Variants in RBM33 observed in about 807,000 individuals in gnomAD.
RBM33 encodes RNA-binding protein 33.
RBM33 carries 28 observed loss-of-function variants against 132.6 expected under a neutral mutation model. The ratio of observed to expected loss-of-function variants is 0.21; its 90% CI spans 0.16 to 0.29. The LOEUF (loss-of-function observed/expected upper bound fraction) is 0.29, where lower values mean the gene tolerates loss of function less well. Among genes scored for constraint, RBM33 ranks in the 10% least tolerant of loss-of-function variants. The pLI is 1.00. For missense variants in RBM33, 1,291 were observed against 1,518.5 expected (o/e 0.85, Z 2.49); for synonymous variants, 634 against 593.0 (o/e 1.07, Z -1.01).
chr7:155,734,145 C>A (rs578053240), intron 9 of RBM33, among the ~76,000 whole-genome samples: 1 of 152,350 alleles, frequency 6.6e-6, no homozygotes, highest in East Asian at 1.9e-4. Flanking sequence ...ATCGACAGAC[C>A]CACTCTTTGT....
chr7:155,666,018 A>T (rs1482250069), intron 2 of RBM33, among the ~76,000 whole-genome samples: 1 of 152,228 alleles, frequency 6.6e-6, no homozygotes, highest in African/African-American at 2.4e-5. Context: ...TAACTTGAGA[A>T]CTATGAGGCC....
intron 1 of RBM33, among the ~76,000 whole-genome samples, chr7:155,649,114 G>C (rs909955371): frequency 2.6e-5 from 4 of 151,890 alleles, no homozygotes; most frequent in African/African-American, 9.7e-5. Context: ...CTCCTTCTGG[G>C]ACTCCCATAA....
At chr7:155,681,544 C>CTT (rs1374192870) in intron 5 of RBM33, among the ~76,000 whole-genome samples, 2 of 151,770 alleles carry the variant, frequency 1.3e-5, no homozygotes, top group African/African-American at 4.8e-5. Context: ...AGATTCTCAC[C>CTT]TTTAAATGAC....
chr7:155,662,450 T>G (rs1798678449), intron 1 of RBM33, among the ~76,000 whole-genome samples: 1 of 152,138 alleles, frequency 6.6e-6, no homozygotes. Flanking sequence ...GGAGCACTCT[T>G]TGGCTTGAAG....
intron 3 of RBM33, among the ~76,000 whole-genome samples, chr7:155,673,801 C>CACACACACACACACA (rs1799077085): frequency 1.4e-5 from 2 of 142,322 alleles, no homozygotes; most frequent in South Asian, 2.2e-4. Context: ...CACACACACA[C>CACACACACACACACA]CCCTACCAGT....
chr7:155,661,111 TG>T (rs1798631808), intron 1 of RBM33, among the ~76,000 whole-genome samples: 1 of 68,516 alleles, frequency 1.5e-5, no homozygotes, highest in African/African-American at 4.5e-5. Flanking sequence ...TGTGTGTGTG[TG>T]TGTGTGTGTG....
intron 8 of RBM33, among the ~76,000 whole-genome samples, chr7:155,711,699 TGCAATGA>T (rs929371476): frequency 6.6e-6 from 1 of 152,156 alleles, no homozygotes; most frequent in Non-Finnish European, 1.5e-5. Flanking sequence ...TTGCCAACTG[TGCAATGA>T]TGTGAGTGTT....
intron 5 of RBM33, among the ~76,000 whole-genome samples, chr7:155,700,220 T>C (rs1335079616): frequency 6.6e-6 from 1 of 152,232 alleles, no homozygotes; most frequent in Non-Finnish European, 1.5e-5. Context: ...AAATTAACTC[T>C]AGACAGTGAG....
At chr7:155,658,751 C>T (rs2116879619) in intron 1 of RBM33, among the ~76,000 whole-genome samples, 1 of 152,274 alleles carries the variant, frequency 6.6e-6, no homozygotes, top group South Asian at 2.1e-4. Context: ...AGAAGGTAGT[C>T]AAGTGGGAAA....
intron 15 of RBM33, among the ~76,000 whole-genome samples, chr7:155,765,013 G>A (rs1309188862): frequency 1.3e-5 from 2 of 152,172 alleles, no homozygotes; most frequent in African/African-American, 2.4e-5. Flanking sequence ...AGATCGCTGT[G>A]GTCTGAATTT....
chr7:155,689,702 C>G (rs1213495037), intron 5 of RBM33, among the ~76,000 whole-genome samples: 1 of 152,216 alleles, frequency 6.6e-6, no homozygotes, highest in African/African-American at 2.4e-5. Context: ...CAAAGAACAT[C>G]TTTATTTCTG....
rs1267331610 is a variant in RBM33, at chr7:155,644,959, C to T, written c.43+40C>T. The T allele has an allele frequency of 2.3e-5, 33 of 1,450,260 alleles. No homozygotes were observed. The East Asian group carries it at 8.9e-4, about 39-fold the overall frequency. The allele number at this position is 1,450,260 out of a possible 1,614,324, so 89.8% of individuals were successfully genotyped here. On this transcript the variant is annotated intron_variant, in intron 1 of 17. Coordinates refer to ENST00000401878, the MANE Select transcript of RBM33 (RefSeq NM_053043.3). The stretch of plus-strand genomic sequence containing the variant: ...CGGACTCTGGGGGCCAGGACCGCGC[C>T]GCGGTGGGCGGGGGTGTAGGCCGGG...
intron 1 of RBM33, among the ~76,000 whole-genome samples, chr7:155,656,744 A>G (rs1463452853): frequency 1.3e-5 from 2 of 152,224 alleles, no homozygotes; most frequent in Non-Finnish European, 2.9e-5. Flanking sequence ...AATATGTTGC[A>G]TTAACATGTA....
At chr7:155,650,996 G>A (rs1351805224) in intron 1 of RBM33, among the ~76,000 whole-genome samples, 1 of 152,130 alleles carries the variant, frequency 6.6e-6, no homozygotes, top group Non-Finnish European at 1.5e-5. Context: ...TTCAGCCTCA[G>A]CCTCTCAAGT....
intron 1 of RBM33, among the ~76,000 whole-genome samples, chr7:155,651,627 A>G (rs1798359111): frequency 6.6e-6 from 1 of 151,860 alleles, no homozygotes; most frequent in Admixed American, 6.6e-5. Context: ...GGGAAAAGAA[A>G]TGAGTGTCAG....
chr7:155,771,027 AG>A (rs1167881983), intron 16 of RBM33, among the ~76,000 whole-genome samples: 2 of 152,192 alleles, frequency 1.3e-5, no homozygotes, highest in East Asian at 3.9e-4. Context: ...AAAAATGAAA[AG>A]CCAATCAGGG....
intron 9 of RBM33, among the ~76,000 whole-genome samples, chr7:155,732,802 T>G (rs1412257211): frequency 6.6e-6 from 1 of 152,118 alleles, no homozygotes; most frequent in African/African-American, 2.4e-5. Flanking sequence ...TAGAAGGTGC[T>G]CAGAGGTGTG....
At position 155,777,150 on chromosome 7, in the gene RBM33, G is replaced by A. The variant is rs940832152; in HGVS notation, c.*2109G>A. 4.6e-5 allele frequency: 7 copies of A among 152,098 alleles called. No homozygotes were observed. The highest frequency in any genetic ancestry group is 1.9e-4 in the East Asian group (1 of 5,186). The allele number at this position is 152,098 out of a possible 1,614,324, so 9.4% of individuals were successfully genotyped here. Reference sequence around the variant, plus strand: ...AGTAGGCATTGAAACAGACTTTTTTGTAGTCAGTGTTAATAAAACGGATCC... The same window carrying A: ...AGTAGGCATTGAAACAGACTTTTTTATAGTCAGTGTTAATAAAACGGATCC... On this transcript the variant is annotated 3_prime_UTR_variant, in exon 18 of 18. Transcript: ENST00000401878.
chr7:155,757,495 A>G (rs935533307), intron 14 of RBM33, among the ~76,000 whole-genome samples: 1 of 152,288 alleles, frequency 6.6e-6, no homozygotes, highest in South Asian at 2.1e-4. Flanking sequence ...AAGTGATTTA[A>G]TTGTTGATCC....
Sources: allele counts gnomAD v4.1 joint callset (sites outside exome capture counted in the v4.1 genomes callset), GRCh38; gene constraint gnomAD v4.1.1; transcripts MANE v1.5; gene names NCBI Gene and HGNC (gene_info 2026-07-23, HGNC 2026-07-21).